KIRREL3: variants seen among roughly 807,000 people sequenced by gnomAD.
KIRREL3 encodes the protein kin of IRRE-like protein 3.
KIRREL3 carries 36 observed loss-of-function variants against 89.7 expected under a neutral mutation model. The ratio of observed to expected loss-of-function variants is 0.40; its 90% CI spans 0.31 to 0.53. KIRREL3 has a LOEUF of 0.53. Among genes scored for constraint, KIRREL3 ranks in the 20% least tolerant of loss-of-function variants. The pLI is 0.49. For missense variants in KIRREL3, 864 were observed against 1,056.6 expected (o/e 0.82, Z 2.53); for synonymous variants, 445 against 441.4 (o/e 1.01, Z -0.10).
chr11:126,581,393 G>T (rs568380404), intron 1 of KIRREL3, among the ~76,000 whole-genome samples: 2 of 152,184 alleles, frequency 1.3e-5, no homozygotes, highest in South Asian at 4.2e-4. Flanking sequence ...GTAGAGACAG[G>T]GTTTCACCTT....
chr11:126,819,437 A>G (rs961467377), intron 1 of KIRREL3, among the ~76,000 whole-genome samples: 3 of 152,238 alleles, frequency 2.0e-5, no homozygotes, highest in African/African-American at 7.2e-5. Context: ...TAAGGTGTGG[A>G]GGAGCAGGAG....
At chr11:126,718,779 G>A (rs1055921933) in intron 1 of KIRREL3, among the ~76,000 whole-genome samples, 6 of 152,158 alleles carry the variant, frequency 3.9e-5, no homozygotes, top group Non-Finnish European at 5.9e-5. Flanking sequence ...GGGAAGCTAT[G>A]GGCAGAGCGG....
Position 126,641,616 on chromosome 11 carries a change from C to A in KIRREL3, c.56-78704G>T, listed in dbSNP as rs1411627075. Reference sequence around the variant, plus strand: ...GACATTTACAACACCAGCCTCCTGGCTTCTTATGGGGATAGTGGCTGCATC... The same window carrying A: ...GACATTTACAACACCAGCCTCCTGGATTCTTATGGGGATAGTGGCTGCATC... On this transcript the variant is annotated intron_variant, in intron 1 of 16. Transcript: ENST00000525144. This position sits in a 1 kb window ranked among gnomAD's most constrained non-coding sequence, Gnocchi z 5.0. 6.6e-6 allele frequency among the ~76,000 whole-genome samples: 1 copy of A among 152,142 alleles called. No individual in the cohort carries two copies. The highest frequency in any genetic ancestry group is 2.4e-5 in the African/African-American group (1 of 41,430).
intron 1 of KIRREL3, among the ~76,000 whole-genome samples, chr11:126,842,570 C>T (rs1021159850): frequency 1.3e-5 from 2 of 152,170 alleles, no homozygotes; most frequent in Non-Finnish European, 2.9e-5. Flanking sequence ...GGGACCTCAT[C>T]CTAGGAACAC....
intron 13 of KIRREL3, among the ~76,000 whole-genome samples, chr11:126,433,771 G>A (rs909556816): frequency 6.6e-6 from 1 of 152,344 alleles, no homozygotes; most frequent in East Asian, 1.9e-4. Flanking sequence ...ATTTGGGTTG[G>A]TTTCTCCTCA....
chr11:126,431,318 C>G lies in KIRREL3; in HGVS notation c.1696+101G>C, dbSNP rs751868885. ...CCAGGAGCTCACAGCACTGTTAGGA[C>G]CCCTGTTCATTGCACTCCTGCTTAC... On this transcript the variant is annotated intron_variant, in intron 14 of 16. Coordinates refer to ENST00000525144, the MANE Select transcript of KIRREL3 (RefSeq NM_032531.4). This position sits in a 1 kb window ranked among gnomAD's most constrained non-coding sequence, Gnocchi z 7.1. 19 of 1,557,006 alleles carry G rather than the reference C, an allele frequency of 1.2e-5. No homozygotes were observed. In the South Asian group the frequency reaches 2.2e-4, roughly 18 times the overall value.
rs564306096 is a variant in KIRREL3 at position 126,896,487 on chromosome 11, A to G, written c.55+103968T>C. Among the ~76,000 whole-genome samples the G allele has an allele frequency of 6.6e-6, 1 of 152,296 alleles. No homozygotes were observed. The highest frequency in any genetic ancestry group is 1.9e-4 in the East Asian group (1 of 5,180). ...CAGGCATGCTGTCATCAGACTTCCA[A>G]TCTTTACTCTGAATGAGAAAAACAT... is the stretch of plus-strand genomic sequence containing the variant. On this transcript the variant is annotated intron_variant, in intron 1 of 16. Coordinates refer to ENST00000525144, the MANE Select transcript of KIRREL3 (RefSeq NM_032531.4). The surrounding 1 kb of genome is among the most constrained non-coding windows in gnomAD (Gnocchi z 4.1).
In KIRREL3 at chr11:126,498,977, C is replaced by G. The variant is rs1264620155; in HGVS notation, c.433+22338G>C. Among the ~76,000 whole-genome samples the G allele has an allele frequency of 6.6e-6, 1 of 152,106 alleles. No individual in the cohort carries two copies. The highest frequency in any genetic ancestry group is 2.4e-5 in the African/African-American group (1 of 41,414). On this transcript the variant is annotated intron_variant, in intron 4 of 16. Coordinates refer to ENST00000525144, the MANE Select transcript of KIRREL3 (RefSeq NM_032531.4). This position sits in a 1 kb window ranked among gnomAD's most constrained non-coding sequence, Gnocchi z 4.3. Reference sequence around the variant, plus strand: ...GTCATGAGTTTGAGACCAGCTTGGGCAACATGGCCAGCATTTAATGCAAAA... The same window carrying G: ...GTCATGAGTTTGAGACCAGCTTGGGGAACATGGCCAGCATTTAATGCAAAA...
chr11:126,933,409 G>A (rs563828301), intron 1 of KIRREL3, among the ~76,000 whole-genome samples: 36 of 151,528 alleles, frequency 2.4e-4, no homozygotes, highest in Admixed American at 1.3e-3. Context: ...AAGTCATCAC[G>A]TTATCTGCCT....
At chr11:126,470,894 T>C (rs1338105742) in intron 5 of KIRREL3, among the ~76,000 whole-genome samples, 2 of 152,228 alleles carry the variant, frequency 1.3e-5, no homozygotes, top group African/African-American at 2.4e-5. Flanking sequence ...CCAGGTATAC[T>C]GTAAGGCCTC....
intron 1 of KIRREL3, among the ~76,000 whole-genome samples, chr11:126,818,060 C>G (rs1159729735): frequency 6.6e-6 from 1 of 152,208 alleles, no homozygotes; most frequent in East Asian, 1.9e-4. Flanking sequence ...TTCGAGGATG[C>G]CTCGACTTAG....
intron 1 of KIRREL3, among the ~76,000 whole-genome samples, chr11:126,823,961 A>G (rs1171101002): frequency 6.6e-6 from 1 of 152,126 alleles, no homozygotes; most frequent in East Asian, 1.9e-4. Flanking sequence ...CTACCTGTAG[A>G]TTGTTCTGGA....
chr11:126,935,451 G>A (rs187004431), intron 1 of KIRREL3: 2 of 152,268 alleles, frequency 1.3e-5, no homozygotes, highest in Non-Finnish European at 2.9e-5. Context: ...TTTCATTCAC[G>A]GTTGCCAACA....
At chr11:126,920,497 C>T (rs779395409) in intron 1 of KIRREL3, 4 of 152,262 alleles carry the variant, frequency 2.6e-5, no homozygotes, top group Non-Finnish European at 5.9e-5. Context: ...AGAGATACTA[C>T]TGCTGCTCAC....
intron 1 of KIRREL3, among the ~76,000 whole-genome samples, chr11:126,820,559 A>C (rs992258205): frequency 6.6e-6 from 1 of 152,142 alleles, no homozygotes; most frequent in African/African-American, 2.4e-5. Context: ...AATTTTGTTG[A>C]AGGAGGGAGC....
chr11:126,810,847 C>T (rs1334450680), intron 1 of KIRREL3, among the ~76,000 whole-genome samples: 1 of 152,194 alleles, frequency 6.6e-6, no homozygotes, highest in Non-Finnish European at 1.5e-5. Context: ...GCTGTGGTTG[C>T]AGTTCTGACT....
chr11:126,790,721 C>T (rs998136016), intron 1 of KIRREL3, among the ~76,000 whole-genome samples: 1 of 152,044 alleles, frequency 6.6e-6, no homozygotes, highest in African/African-American at 2.4e-5. Flanking sequence ...ATTTCCAACC[C>T]TAATCGCAGA....
At chr11:126,839,133 G>A (rs766012771) in intron 1 of KIRREL3, among the ~76,000 whole-genome samples, 3 of 152,166 alleles carry the variant, frequency 2.0e-5, no homozygotes, top group Non-Finnish European at 4.4e-5. Context: ...CATGGAGAGC[G>A]CCTTTGTGCC....
intron 1 of KIRREL3, among the ~76,000 whole-genome samples, chr11:126,950,704 C>T (rs562431500): frequency 2.0e-5 from 3 of 152,312 alleles, no homozygotes; most frequent in Admixed American, 2.0e-4. Flanking sequence ...GTACATCACA[C>T]AGATGAAGGA....
Sources: allele counts gnomAD v4.1 joint callset (sites outside exome capture counted in the v4.1 genomes callset), GRCh38; gene constraint gnomAD v4.1.1; non-coding constraint Gnocchi (gnomAD v3.1); transcripts MANE v1.5; gene names NCBI Gene and HGNC (gene_info 2026-07-23, HGNC 2026-07-21).